Variants in FBXO34 observed in about 807,000 individuals in gnomAD.
FBXO34 encodes F-box only protein 34.
In FBXO34, 12 loss-of-function variants were observed where a neutral mutation model predicts 24.5. The ratio of observed to expected loss-of-function variants is 0.49; its 90% confidence interval spans 0.31 to 0.79. The LOEUF (loss-of-function observed/expected upper bound fraction) is 0.79, where lower values mean the gene tolerates loss of function less well. Among genes scored for constraint, FBXO34 ranks in the 30% least tolerant of loss-of-function variants. The pLI, the probability that FBXO34 is intolerant of heterozygous loss-of-function variation, is 0.04. For synonymous variants in FBXO34, 320 were observed against 311.9 expected (o/e 1.03, Z -0.27); for missense variants, 823 against 857.7 (o/e 0.96, Z 0.51).
intron 3 of FBXO34, among the ~76,000 whole-genome samples, chr14:55,360,012 C>G (rs763742829): frequency 1.3e-5 from 2 of 151,744 alleles, no homozygotes; most frequent in Admixed American, 1.3e-4. Flanking sequence ...CCCAGGACGT[C>G]GAGGCTGCAG....
intron 1 of FBXO34, among the ~76,000 whole-genome samples, chr14:55,311,311 C>T (rs1291764222): frequency 1.3e-5 from 2 of 152,178 alleles, no homozygotes; most frequent in Admixed American, 6.5e-5. Context: ...TTGTTACTTC[C>T]ACCTGCTCTC....
At chr14:55,411,756 C>A in the FBXO34 span, 12 of 1,607,478 alleles carry the variant, frequency 7.5e-6, no homozygotes, top group Non-Finnish European at 1.0e-5. Flanking sequence ...AGGTCCCGGG[C>A]GAGCGGCCGG....
chr14:55,375,490 ATTTTTTTTTTTT>A, the FBXO34 span, among the ~76,000 whole-genome samples: 1,675 of 117,846 alleles, frequency 0.014, 19 homozygotes, highest in Middle Eastern at 0.036. Flanking sequence ...GCCGGGCTAA[ATTTTTTTTTTTT>A]TTTTTTTTTT....
chr14:55,415,682 C>A, the FBXO34 span, among the ~76,000 whole-genome samples: 1,281 of 151,938 alleles, frequency 8.4e-3, 18 homozygotes, highest in African/African-American at 0.029. Context: ...CTGGCCAACA[C>A]GGCGAAACCC....
chr14:55,403,446 A>G, the FBXO34 span, among the ~76,000 whole-genome samples: 2 of 152,334 alleles, frequency 1.3e-5, no homozygotes, highest in Non-Finnish European at 2.9e-5. Flanking sequence ...AGCTTACTCT[A>G]AACTGGGACA....
intron 1 of FBXO34, among the ~76,000 whole-genome samples, chr14:55,324,172 A>G (rs1883264644): frequency 6.6e-6 from 1 of 152,152 alleles, no homozygotes; most frequent in Non-Finnish European, 1.5e-5. Context: ...CACTTCATAC[A>G]AATAGAATCA....
chr14:55,377,973 A>G, the FBXO34 span: 1 of 1,602,552 alleles, frequency 6.2e-7, no homozygotes, highest in Admixed American at 1.7e-5. Flanking sequence ...TTCACAACCT[A>G]TTTTTCATAC....
the FBXO34 span, chr14:55,377,883 G>C: frequency 6.2e-7 from 1 of 1,606,454 alleles, no homozygotes; most frequent in East Asian, 2.2e-5. Flanking sequence ...TGCAGTGGTT[G>C]TAATTGATCT....
chr14:55,409,130 A>G, the FBXO34 span, among the ~76,000 whole-genome samples: 2 of 152,246 alleles, frequency 1.3e-5, no homozygotes, highest in Admixed American at 1.3e-4. Flanking sequence ...AAACTCGGAT[A>G]GATTCAAGAT....
the FBXO34 span, chr14:55,390,895 G>A: frequency 6.5e-7 from 1 of 1,533,004 alleles, no homozygotes; most frequent in Non-Finnish European, 9.0e-7. Flanking sequence ...TGGAAGGAAG[G>A]ACACGAATTA....
intron 1 of FBXO34, among the ~76,000 whole-genome samples, chr14:55,313,676 T>C (rs999467803): frequency 1.3e-5 from 2 of 152,178 alleles, no homozygotes; most frequent in African/African-American, 2.4e-5. Flanking sequence ...TTCTTCACAA[T>C]GTGGCAGTTG....
At chr14:55,302,982 T>G (rs1190338440) in intron 1 of FBXO34, among the ~76,000 whole-genome samples, 4 of 152,228 alleles carry the variant, frequency 2.6e-5, no homozygotes, top group Non-Finnish European at 5.9e-5. Flanking sequence ...ATCATGGGAT[T>G]GAATACTACT....
the FBXO34 span, among the ~76,000 whole-genome samples, chr14:55,419,862 T>C: frequency 6.6e-6 from 1 of 152,228 alleles, no homozygotes; most frequent in Non-Finnish European, 1.5e-5. Flanking sequence ...TCATTTGTAA[T>C]TGCAACACTT....
intron 1 of FBXO34, among the ~76,000 whole-genome samples, chr14:55,284,301 G>A (rs1056719380): frequency 6.6e-6 from 1 of 152,090 alleles, no homozygotes; most frequent in Non-Finnish European, 1.5e-5. Context: ...ATCACCTGAG[G>A]TCAGGAGTTC....
chr14:55,439,883 A>G, the FBXO34 span, among the ~76,000 whole-genome samples: 1 of 142,258 alleles, frequency 7.0e-6, no homozygotes, highest in Non-Finnish European at 1.5e-5. Context: ...GTGAGCCGAG[A>G]TCGCGCCACT....
chr14:55,346,862 G>C (rs1884176128), intron 1 of FBXO34, among the ~76,000 whole-genome samples: 1 of 152,190 alleles, frequency 6.6e-6, no homozygotes, highest in African/African-American at 2.4e-5. Context: ...AGATGCTTCA[G>C]TATGGACTGT....
At chr14:55,349,757 C>T (rs1315872988) in intron 1 of FBXO34, among the ~76,000 whole-genome samples, 1 of 151,810 alleles carries the variant, frequency 6.6e-6, no homozygotes, top group African/African-American at 2.4e-5. Flanking sequence ...CAGGCACGCC[C>T]CACTACGCCC....
chr14:55,442,056 T>C, the FBXO34 span, among the ~76,000 whole-genome samples: 78,899 of 151,280 alleles, frequency 0.52, 20,712 homozygotes, highest in East Asian at 0.65. Flanking sequence ...AGCCACCGTG[T>C]CTGGCCTATA....
intron 1 of FBXO34, among the ~76,000 whole-genome samples, chr14:55,302,980 A>G (rs893895046): frequency 6.6e-6 from 1 of 152,206 alleles, no homozygotes; most frequent in Non-Finnish European, 1.5e-5. Context: ...CGATCATGGG[A>G]TTGAATACTA....
Sources: gnomAD v4.1 joint callset for allele counts (sites outside exome capture counted in the v4.1 genomes callset) on GRCh38, gnomAD v4.1.1 for gene constraint, MANE v1.5 for transcripts, NCBI Gene and HGNC (gene_info 2026-07-23, HGNC 2026-07-21) for gene names.